PNO1: variants seen among roughly 807,000 people sequenced by gnomAD.
PNO1 encodes the protein partner of NOB1 homolog.
In PNO1, 16 loss-of-function variants were observed where a neutral mutation model predicts 28.4. The ratio of observed to expected loss-of-function variants is 0.56; its 90% CI spans 0.38 to 0.85. The LOEUF (loss-of-function observed/expected upper bound fraction) is 0.85. Among genes scored for constraint, PNO1 ranks in the 40% least tolerant of loss-of-function variants. The pLI is 0.00. For missense variants in PNO1, 304 were observed against 312.2 expected, an observed-to-expected ratio of 0.97 and a Z score of 0.20; for synonymous variants, 115 against 110.8, an observed-to-expected ratio of 1.04 and a Z score of -0.24.
rs1391029666 is a variant in PNO1 at position 68,175,687 on chromosome 2, C to G, written c.*885C>G. ...TTCTTGCAGTTTCAAAAATTAAAGA[C>G]CTACATCACAGGGTTAATGTGAAGA... On this transcript the variant is annotated 3_prime_UTR_variant, in exon 7 of 7. Transcript: ENST00000263657. The G allele has an allele frequency of 6.6e-6, 1 of 151,940 alleles. No homozygotes were observed. Among genetic ancestry groups the G allele is most frequent in the Non-Finnish European group, 1.5e-5 (1 of 68,022 alleles). 9.4% of individuals were successfully genotyped at this position (151,940 alleles called of 1,614,324 possible). A position where few individuals can be genotyped will look rare whatever the true frequency, so the allele number is the denominator to read the frequency against.
chr2:68,162,163 G>C (rs1673848246), intron 3 of PNO1, 102 bp from the exon 4 acceptor site: 1 of 866,754 alleles, frequency 1.2e-6, no homozygotes. Context: ...AAGCTTTCTA[G>C]CTCTAGAGTT....
At position 68,161,670 on chromosome 2, in the gene PNO1, T is replaced by C; in HGVS notation, c.358-13T>C. 6.5e-7 allele frequency: 1 copy of C among 1,544,830 alleles called. No individual in the cohort carries two copies. The highest frequency in any genetic ancestry group is 8.9e-7 in the Non-Finnish European group (1 of 1,118,846). Reference sequence around the variant, plus strand: ...CTCAACGGTATTTTGTACCCTTTTTTGTTTTTTAACAGACTTGTAAAGAAA... The same window carrying C: ...CTCAACGGTATTTTGTACCCTTTTTCGTTTTTTAACAGACTTGTAAAGAAA... On this transcript the variant is annotated splice_polypyrimidine_tract_variant and intron_variant, in intron 2 of 6. Coordinates refer to ENST00000263657, the MANE Select transcript of PNO1 (RefSeq NM_020143.4).
chr2:68,168,890 A>C (rs1674056746), intron 5 of PNO1, among the ~76,000 whole-genome samples: 1 of 150,250 alleles, frequency 6.7e-6, no homozygotes, highest in Non-Finnish European at 1.5e-5. Flanking sequence ...GGCCTCAGTC[A>C]ACAGTACCTA....
rs1433736700 is a variant in PNO1, at chr2:68,175,307, TAGAGTGCAGTGGTGCAATCTCAGCTC to T, written c.*507_*532del. 1 of 152,534 alleles carries T rather than the reference TAGAGTGCAGTGGTGCAATCTCAGCTC, an allele frequency of 6.6e-6. No homozygotes were observed. Among genetic ancestry groups the T allele is most frequent in the African/African-American group, 2.4e-5 (1 of 41,450 alleles). 9.4% of individuals were successfully genotyped at this position (152,534 alleles called of 1,614,324 possible). A position where few individuals can be genotyped will look rare whatever the true frequency, so the allele number is the denominator to read the frequency against. On this transcript the variant is annotated 3_prime_UTR_variant, in exon 7 of 7. Coordinates refer to ENST00000263657, the MANE Select transcript of PNO1 (RefSeq NM_020143.4). ...CAGGGTCTCACTTTGTCACCCAGGC[TAGAGTGCAGTGGTGCAATCTCAGCTC>T]ACTGCAGCCTCTGCCTCCTGAGTTC...
Position 68,162,671 on chromosome 2 carries a change from T to G in PNO1, c.620+8T>G. 1.4e-6 allele frequency: 2 copies of G among 1,461,324 alleles called. No individual in the cohort carries two copies. Among genetic ancestry groups the G allele is most frequent in the Non-Finnish European group, 1.9e-6 (2 of 1,041,286 alleles). 90.5% of individuals were successfully genotyped at this position (1,461,324 alleles called of 1,614,324 possible). On this transcript the variant is annotated splice_region_variant and intron_variant, in intron 5 of 6. Transcript: ENST00000263657. The stretch of plus-strand genomic sequence containing the variant: ...GATAGTTTTGGCTGATGTGTAAGTA[T>G]CTGATCTTGAGAAAATTATTGTCAT...
chr2:68,171,845 G>A (rs1354072134), intron 5 of PNO1, among the ~76,000 whole-genome samples: 1 of 152,174 alleles, frequency 6.6e-6, no homozygotes, highest in African/African-American at 2.4e-5. Flanking sequence ...GGATGTGAGG[G>A]GGCGAAGGGC....
intron 5 of PNO1, among the ~76,000 whole-genome samples, chr2:68,165,469 C>T (rs1265332286): frequency 6.9e-6 from 1 of 145,126 alleles, no homozygotes; most frequent in Admixed American, 7.1e-5. Flanking sequence ...TTGCTTGAAC[C>T]TGGGAGGCGG....
chr2:68,162,121 A>G, intron 3 of PNO1, 144 bp from the exon 4 acceptor site: 1 of 613,404 alleles, frequency 1.6e-6, no homozygotes, highest in Non-Finnish European at 2.8e-6. Flanking sequence ...CCTGGGCGAC[A>G]GCGTAAGACT....
intron 5 of PNO1, among the ~76,000 whole-genome samples, chr2:68,166,302 G>A (rs958872886): frequency 1.3e-5 from 2 of 152,080 alleles, no homozygotes; most frequent in African/African-American, 4.8e-5. Context: ...GCTTTTGGCT[G>A]GAAGCTATAC....
intron 6 of PNO1, among the ~76,000 whole-genome samples, chr2:68,174,510 C>T (rs1202715035): frequency 6.6e-6 from 1 of 151,892 alleles, no homozygotes; most frequent in Non-Finnish European, 1.5e-5. Context: ...ATTTACATAG[C>T]ATTTGCATTG....
chr2:68,166,087 A>G (rs926022411), intron 5 of PNO1, among the ~76,000 whole-genome samples: 10 of 152,210 alleles, frequency 6.6e-5, no homozygotes, highest in African/African-American at 2.4e-4. Flanking sequence ...GCTTTGGTGT[A>G]TGACTTCTCT....
chr2:68,165,392 A>C lies in PNO1; in HGVS notation c.620+2729A>C, dbSNP rs1237196143. ...AAAAAAAAAAAAACAACAAAAAAAA[A>C]AAAACTAGCTGGGTGTGGTGGCACA... is the stretch of plus-strand genomic sequence containing the variant. On this transcript the variant is annotated intron_variant, in intron 5 of 6. Transcript: ENST00000263657. 1.5e-3 allele frequency among the ~76,000 whole-genome samples: 188 copies of C among 126,276 alleles called. 3 individuals are homozygous for C. The highest frequency in any genetic ancestry group is 5.2e-3 in the African/African-American group (169 of 32,640). 82.8% of individuals were successfully genotyped at this position (126,276 alleles called of 152,430 possible). A position where few individuals can be genotyped will look rare whatever the true frequency, so the allele number is the denominator to read the frequency against.
intron 5 of PNO1, among the ~76,000 whole-genome samples, chr2:68,166,281 T>G (rs1038066790): frequency 6.6e-6 from 1 of 152,216 alleles, no homozygotes; most frequent in Admixed American, 6.5e-5. Flanking sequence ...TCCCAAAACT[T>G]AACTACTCCT....
chr2:68,162,117 C>A, intron 3 of PNO1, 148 bp from the exon 4 acceptor site: 1 of 607,082 alleles, frequency 1.6e-6, no homozygotes, highest in South Asian at 2.1e-5. Flanking sequence ...CCAGCCTGGG[C>A]GACAGCGTAA....
chr2:68,168,138 A>G (rs1674038493), intron 5 of PNO1, among the ~76,000 whole-genome samples: 1 of 152,246 alleles, frequency 6.6e-6, no homozygotes, highest in African/African-American at 2.4e-5. Context: ...TGAGACAGGA[A>G]TTTATGCTGA....
chr2:68,158,271 G>A, intron 1 of PNO1, 109 bp from the exon 2 acceptor site: 1 of 1,365,908 alleles, frequency 7.3e-7, no homozygotes, highest in East Asian at 2.3e-5. Flanking sequence ...GTGATTCTTT[G>A]AAGTGTAACT....
At chr2:68,168,499 G>A (rs10173501) in intron 5 of PNO1, among the ~76,000 whole-genome samples, 113,418 of 152,066 alleles carry the variant, frequency 0.75, 43,353 homozygotes, top group African/African-American at 0.93. Context: ...GTATCTAGCT[G>A]TTGGTGAGCT....
At chr2:68,167,589 G>A (rs1483204743) in intron 5 of PNO1, among the ~76,000 whole-genome samples, 6 of 152,182 alleles carry the variant, frequency 3.9e-5, no homozygotes, top group African/African-American at 1.4e-4. Context: ...AAATCCTGGT[G>A]TTTGCTTCTC....
intron 5 of PNO1, among the ~76,000 whole-genome samples, chr2:68,163,940 A>G (rs1395550942): frequency 6.6e-6 from 1 of 152,200 alleles, no homozygotes; most frequent in Admixed American, 6.5e-5. Context: ...GGTTCTGCCT[A>G]TGACTAAATT....
Sources: gnomAD v4.1 joint callset for allele counts (sites outside exome capture counted in the v4.1 genomes callset) on GRCh38, gnomAD v4.1.1 for gene constraint, MANE v1.5 for transcripts, NCBI Gene and HGNC (gene_info 2026-07-23, HGNC 2026-07-21) for gene names.